Variants in ACSL1 observed in about 807,000 individuals in gnomAD.
ACSL1 encodes the protein long-chain-fatty-acid--CoA ligase 1.
In ACSL1, 41 loss-of-function variants were observed where a neutral mutation model predicts 98.4. That is an observed-to-expected ratio of 0.42 (90% CI 0.32 to 0.54). The LOEUF is 0.54. Ranked by LOEUF, ACSL1 falls within the 20% of genes least tolerant of loss-of-function variation. The pLI, the probability that ACSL1 is intolerant of heterozygous loss-of-function variation, is 0.13. For missense variants in ACSL1, 734 were observed against 883.1 expected (o/e 0.83, Z 2.14); for synonymous variants, 316 against 322.7 (o/e 0.98, Z 0.22).
chr4:184,756,672 G>T lies in ACSL1; in HGVS notation c.*453C>A, dbSNP rs1317035764. The stretch of plus-strand genomic sequence containing the variant: ...GTGAGATTCTCCAGCCAGGACAGTT[G>T]TTCTTATTTTTAAAGGGAACACTTC... On this transcript the variant is annotated 3_prime_UTR_variant, in exon 21 of 21. Transcript: ENST00000281455. The T allele has an allele frequency of 6.5e-6, 1 of 153,406 alleles. No individual in the cohort carries two copies. Among genetic ancestry groups the T allele is most frequent in the Non-Finnish European group, 1.5e-5 (1 of 68,642 alleles). 9.5% of individuals were successfully genotyped at this position (153,406 alleles called of 1,614,324 possible).
chr4:184,802,668 C>G (rs1283943649), intron 2 of ACSL1, among the ~76,000 whole-genome samples: 1 of 152,218 alleles, frequency 6.6e-6, no homozygotes, highest in Non-Finnish European at 1.5e-5. Flanking sequence ...GCCATCCCTC[C>G]TATTAAGCCC....
chr4:184,788,378 C>T (rs533003005), intron 3 of ACSL1: 1 of 619,612 alleles, frequency 1.6e-6, no homozygotes, highest in South Asian at 1.5e-5. Flanking sequence ...ATGTGACTCA[C>T]CATAAAATAC....
At chr4:184,800,357 T>C (rs961158768) in intron 2 of ACSL1, among the ~76,000 whole-genome samples, 1 of 152,172 alleles carries the variant, frequency 6.6e-6, no homozygotes, top group African/African-American at 2.4e-5. Context: ...GCTCCTGTAC[T>C]TTGCTTAACT....
At chr4:184,789,867 T>G (rs1036809388) in intron 2 of ACSL1, among the ~76,000 whole-genome samples, 1 of 141,440 alleles carries the variant, frequency 7.1e-6, no homozygotes, top group African/African-American at 2.7e-5. Context: ...TCAGTGACTA[T>G]GACGTTAGAG....
chr4:184,782,823 G>A (rs1241682109), intron 4 of ACSL1, among the ~76,000 whole-genome samples: 1 of 152,122 alleles, frequency 6.6e-6, no homozygotes, highest in African/African-American at 2.4e-5. Context: ...CGACCCCAGA[G>A]GACGGACGGG....
chr4:184,768,832 G>A (rs1376227502), intron 11 of ACSL1, among the ~76,000 whole-genome samples: 1 of 152,142 alleles, frequency 6.6e-6, no homozygotes, highest in African/African-American at 2.4e-5. Flanking sequence ...CACTTTGGGA[G>A]GCCGAGGCAG....
intron 1 of ACSL1, among the ~76,000 whole-genome samples, chr4:184,810,955 T>C (rs112592353): frequency 0.012 from 1,799 of 152,282 alleles, 14 homozygotes; most frequent in Middle Eastern, 0.02. Flanking sequence ...CCTGCCCTAG[T>C]TCCACATGAG....
chr4:184,824,143 T>TTTTACAGAGTCC (rs1186973973), intron 1 of ACSL1, among the ~76,000 whole-genome samples: 3 of 152,160 alleles, frequency 2.0e-5, no homozygotes, highest in African/African-American at 7.2e-5. Flanking sequence ...TTGTTTTGTT[T>TTTTACAGAGTCC]TTTACAGAGT....
chr4:184,760,807 T>G (rs1218888741), intron 17 of ACSL1, among the ~76,000 whole-genome samples: 1 of 152,236 alleles, frequency 6.6e-6, no homozygotes, highest in East Asian at 1.9e-4. Flanking sequence ...CTGGCTCATT[T>G]AGCCTCCTGT....
rs769407385 is a variant in ACSL1, at chr4:184,757,847, C to G, written c.1856G>C (p.Gly619Ala). Reference protein sequence around the residue: ...CSWAQKRGFEGSFEELCRNKD... With the variant: ...CSWAQKRGFEASFEELCRNKD... ...ATTTCTGCACAGTTCCTCAAACGACCCTTCAAATCCTCTCTTTTGGGCCCA... is the reference window on the plus strand; with the variant it reads ...ATTTCTGCACAGTTCCTCAAACGACGCTTCAAATCCTCTCTTTTGGGCCCA... Residue 619 changes from glycine (G) to alanine (A), a missense_variant, in exon 19 of 21, where the codon GGG becomes GCG. Coordinates refer to ENST00000281455, the MANE Select transcript of ACSL1 (RefSeq NM_001995.5). This position sits in a 1 kb window ranked among gnomAD's most constrained non-coding sequence, Gnocchi z 4.5. 3 of 1,614,126 alleles carry G rather than the reference C, an allele frequency of 1.9e-6. No homozygotes were observed. The highest frequency in any genetic ancestry group is 1.7e-5 in the Admixed American group (1 of 60,024).
At chr4:184,779,613 G>T (rs1031790096) in intron 5 of ACSL1, among the ~76,000 whole-genome samples, 1 of 152,088 alleles carries the variant, frequency 6.6e-6, no homozygotes, top group African/African-American at 2.4e-5. Context: ...ACCAACCAGA[G>T]GGAAAGCCTC....
chr4:184,791,866 T>C (rs909402206), intron 2 of ACSL1, among the ~76,000 whole-genome samples: 7 of 152,168 alleles, frequency 4.6e-5, no homozygotes, highest in East Asian at 1.9e-4. Context: ...TTTAATCAAA[T>C]AGAAGACTGG....
rs200424498 is a variant in ACSL1, at chr4:184,763,175, C to T, written c.1513G>A (p.Glu505Lys). ...TGACGGTTTTCACTCACCTCGCCCT[C>T]GCCCTCGGCAGCCATGTAATTCATT... ...EEMNYMAAEG[E>K]GEVCVKGPNV... Residue 505 changes from glutamate to lysine, a missense_variant, in exon 16 of 21, where the codon GAG (glutamate) becomes AAG (lysine). Coordinates refer to ENST00000281455, the MANE Select transcript of ACSL1 (RefSeq NM_001995.5). 6 of 1,613,632 alleles carry T rather than the reference C, an allele frequency of 3.7e-6. No homozygotes were observed. The highest frequency in any genetic ancestry group is 1.3e-5 in the African/African-American group (1 of 75,028).
In ACSL1 at chr4:184,773,035, C is replaced by T. The variant is rs752112458; in HGVS notation, c.915+46G>A. ...CCTTCAGCACTTTCATTCTCAAGGA[C>T]TAATGTCAATCAATGAGGAAAGATG... On this transcript the variant is annotated intron_variant, in intron 10 of 20. Coordinates refer to ENST00000281455, the MANE Select transcript of ACSL1 (RefSeq NM_001995.5). The surrounding 1 kb of genome is among the most constrained non-coding windows in gnomAD (Gnocchi z 4.3). 2 of 1,571,206 alleles carry T rather than the reference C, an allele frequency of 1.3e-6. No individual in the cohort carries two copies. The highest frequency in any genetic ancestry group is 2.2e-5 in the South Asian group (2 of 89,840).
chr4:184,796,587 G>A (rs1202163610), intron 2 of ACSL1, among the ~76,000 whole-genome samples: 1 of 152,196 alleles, frequency 6.6e-6, no homozygotes, highest in African/African-American at 2.4e-5. Context: ...AGGCCATGGG[G>A]AACACTGACC....
chr4:184,818,421 C>T (rs1030192164), intron 1 of ACSL1, among the ~76,000 whole-genome samples: 2 of 152,212 alleles, frequency 1.3e-5, no homozygotes, highest in African/African-American at 4.8e-5. Flanking sequence ...GAAACACAAA[C>T]TTCACTCAGT....
At chr4:184,783,787 G>C (rs778085041) in intron 4 of ACSL1, 140 bp downstream of exon 4, 1 of 767,852 alleles carries the variant, frequency 1.3e-6, no homozygotes, top group Non-Finnish European at 2.2e-6. Context: ...GTTTCTCCTT[G>C]GATGCCCCAT....
intron 1 of ACSL1, among the ~76,000 whole-genome samples, chr4:184,815,494 G>T (rs1390954167): frequency 6.6e-6 from 1 of 152,128 alleles, no homozygotes; most frequent in African/African-American, 2.4e-5. Context: ...AGGCCTGGGG[G>T]GGGAAACTGG....
In ACSL1 at chr4:184,764,529, A is replaced by G. The variant is rs535620632; in HGVS notation, c.1432+324T>C. 6.2e-4 allele frequency among the ~76,000 whole-genome samples: 95 copies of G among 152,308 alleles called. 3 individuals are homozygous for G. In the South Asian group the frequency reaches 0.019, roughly 30 times the overall value. Reference sequence around the variant, plus strand: ...ACCAGCAAATAACGAGACCCTACTCAATTACTAGGAAGCTCTGTTGGGCCA... The same window carrying G: ...ACCAGCAAATAACGAGACCCTACTCGATTACTAGGAAGCTCTGTTGGGCCA... On this transcript the variant is annotated intron_variant, in intron 15 of 20. Coordinates refer to ENST00000281455, the MANE Select transcript of ACSL1 (RefSeq NM_001995.5).
Sources: allele counts gnomAD v4.1 joint callset (sites outside exome capture counted in the v4.1 genomes callset), GRCh38; gene constraint gnomAD v4.1.1; non-coding constraint Gnocchi (gnomAD v3.1); transcripts MANE v1.5; gene names NCBI Gene and HGNC (gene_info 2026-07-23, HGNC 2026-07-21).